MAP7D3: variants seen among roughly 807,000 people sequenced by gnomAD.
MAP7D3 encodes the protein MAP7 domain containing 3, also known as MAP7 domain-containing protein 3.
A neutral mutation model predicts 62.2 loss-of-function variants in MAP7D3; 45 were observed. The observed-to-expected ratio is 0.72, with a 90% CI of 0.57 to 0.93. MAP7D3 has a LOEUF of 0.93. Ranked by LOEUF, MAP7D3 falls within the 40% of genes least tolerant of loss-of-function variation. MAP7D3 has a pLI of 0.00. For synonymous variants in MAP7D3, 288 were observed against 248.8 expected, an observed-to-expected ratio of 1.16 and a Z score of -1.48; for missense variants, 711 against 683.1, an observed-to-expected ratio of 1.04 and a Z score of -0.45.
At chrX:136,251,517 A>C, upstream of MAP7D3, 1 of 843,106 alleles carries the variant, frequency 1.2e-6, no homozygotes, top group Non-Finnish European at 1.4e-6. Context: ...CGGACCTGCG[A>C]ACCGGGCAGG....
At chrX:136,236,004 T>C (rs1018880950) in intron 7 of MAP7D3, among the ~76,000 whole-genome samples, 11 of 112,324 alleles carry the variant, frequency 9.8e-5, no homozygotes, top group Non-Finnish European at 2.1e-4. Context: ...TATTCTGTGA[T>C]TTATTTCCCC....
chrX:136,235,044 AC>A (rs886064396), intron 7 of MAP7D3, among the ~76,000 whole-genome samples: 1 of 111,944 alleles, frequency 8.9e-6, no homozygotes, highest in Admixed American at 9.5e-5. Flanking sequence ...CAGCATACAT[AC>A]CAAAATAACT....
chrX:136,235,522 G>C (rs942983919), intron 7 of MAP7D3, among the ~76,000 whole-genome samples: 2 of 111,992 alleles, frequency 1.8e-5, no homozygotes, highest in African/African-American at 6.5e-5. Flanking sequence ...GCTGAGACAG[G>C]CGGATCATCT....
At position 136,251,352 on chromosome X, in the gene MAP7D3, C is replaced by T. The variant is rs1314470878; in HGVS notation, c.7G>A (p.Ala3Thr). Reference protein sequence around the residue: MMADGAAAGAGGS... With the variant: MMTDGAAAGAGGS... Reference sequence around the variant, plus strand: ...CCAGCGCCAGCTGCGGCGCCGTCCGCCATCATCGGAGTCGGGACCGGAGGC... The same window carrying T: ...CCAGCGCCAGCTGCGGCGCCGTCCGTCATCATCGGAGTCGGGACCGGAGGC... Residue 3 changes from alanine (A) to threonine (T), a missense_variant, in exon 1 of 19, where the codon GCG (alanine) becomes ACG (threonine). Transcript: ENST00000316077. 3 of 1,122,588 alleles carry T rather than the reference C, an allele frequency of 2.7e-6. No individual in the cohort carries two copies. The highest frequency in any genetic ancestry group is 2.8e-5 in the Admixed American group (1 of 35,588). The allele number at this position is 1,122,588 out of a possible 1,213,427, so 92.5% of individuals were successfully genotyped here. A position where few individuals can be genotyped will look rare whatever the true frequency, so the allele number is the denominator to read the frequency against.
intron 11 of MAP7D3, 123 bp from the exon 12 acceptor site, chrX:136,227,554 CACT>C: frequency 6.8e-6 from 3 of 444,144 alleles, no homozygotes; most frequent in Non-Finnish European, 7.4e-6. Context: ...ACACCAGAGT[CACT>C]ACATCTTCTG....
At chrX:136,254,452 T>A (rs1416144472), upstream of MAP7D3, among the ~76,000 whole-genome samples, 2 of 111,143 alleles carry the variant, frequency 1.8e-5, no homozygotes, top group African/African-American at 6.6e-5. Flanking sequence ...AAAAATAAAA[T>A]TTGATTGGGA....
intron 7 of MAP7D3, among the ~76,000 whole-genome samples, chrX:136,233,031 T>C (rs929080127): frequency 2.7e-5 from 3 of 111,435 alleles, no homozygotes; most frequent in African/African-American, 9.8e-5. Flanking sequence ...TACTGCACTG[T>C]TTATAATACT....
Position 136,226,010 on chromosome X carries a change from C to CT in MAP7D3, c.2037dup (p.Gly680ArgfsTer12). 1 of 1,173,412 alleles carries CT rather than the reference C, an allele frequency of 8.5e-7. No homozygotes were observed. The highest frequency in any genetic ancestry group is 1.2e-6 in the Non-Finnish European group (1 of 866,748). ...TCTTGAGCTTTTATTTTGGCGTCCC[C>CT]TTTCTAGGAAATTTGCATAAAAATA... On this transcript the variant is annotated frameshift_variant, in exon 13 of 19. Transcript: ENST00000316077. LOFTEE classifies it high-confidence loss of function.
intron 11 of MAP7D3, among the ~76,000 whole-genome samples, chrX:136,228,367 A>G (rs1215731658): frequency 8.9e-6 from 1 of 111,916 alleles, no homozygotes; most frequent in African/African-American, 3.2e-5. Context: ...GTCTCTGTGC[A>G]TCCTCCTAGC....
intron 1 of MAP7D3, among the ~76,000 whole-genome samples, chrX:136,247,526 T>C (rs1199678245): frequency 9.1e-6 from 1 of 110,376 alleles, no homozygotes; most frequent in Non-Finnish European, 1.9e-5. Flanking sequence ...TAATTGCTAC[T>C]GAGGGAGTTA....
rs1435383856 is a variant in MAP7D3, at chrX:136,230,948, G to A, written c.1432C>T (p.Gln478Ter). ...TTCTTGGCAATAGGGATTAAGGCCT[G>A]TTTGTCCATTTCTGATTTCTGAACA... ...DAPKKSEMDK[Q>*]ALIPIAKKRL... Residue 478 changes from glutamine (Q) to a stop codon, truncating the protein, a stop_gained, in exon 9 of 19, where the codon CAG becomes TAG. Transcript: ENST00000316077. LOFTEE classifies it high-confidence loss of function. 1.7e-6 allele frequency: 2 copies of A among 1,196,709 alleles called. No individual in the cohort carries two copies.
chrX:136,246,353 G>A lies in MAP7D3; in HGVS notation c.71-12C>T, dbSNP rs1313366100. 3.7e-6 allele frequency: 4 copies of A among 1,076,536 alleles called. No homozygotes were observed. The highest frequency in any genetic ancestry group is 1.9e-5 in the South Asian group (1 of 52,193). The allele number at this position is 1,076,536 out of a possible 1,213,427, so 88.7% of individuals were successfully genotyped here. On this transcript the variant is annotated splice_polypyrimidine_tract_variant and intron_variant, in intron 1 of 18. Coordinates refer to ENST00000316077, the MANE Select transcript of MAP7D3 (RefSeq NM_024597.4). ...GTTTGCTGCAGCAACTAAAATACAGGGAGATAAAAGGATTAGATGTTAAGA... is the reference window on the plus strand; with the variant it reads ...GTTTGCTGCAGCAACTAAAATACAGAGAGATAAAAGGATTAGATGTTAAGA...
chrX:136,256,040 A>C (rs760653212), upstream of MAP7D3: 24 of 750,002 alleles, frequency 3.2e-5, no homozygotes, highest in Non-Finnish European at 3.3e-5. Context: ...TATGAGTTTT[A>C]AGCTTACCAG....
At position 136,231,537 on chromosome X, in the gene MAP7D3, G is replaced by A; in HGVS notation, c.1413+7C>T. The A allele has an allele frequency of 8.4e-7, 1 of 1,187,330 alleles. No individual in the cohort carries two copies. Among genetic ancestry groups the A allele is most frequent in the Non-Finnish European group, 1.1e-6 (1 of 884,265 alleles). ...GAAAATTTGTCAATAACAGGCACTT[G>A]ACAAACCTTTGGAGCGTCTCTCGCT... is the stretch of plus-strand genomic sequence containing the variant. On this transcript the variant is annotated splice_region_variant and intron_variant, in intron 8 of 18. Coordinates refer to ENST00000316077, the MANE Select transcript of MAP7D3 (RefSeq NM_024597.4).
chrX:136,246,015 AAT>A lies in MAP7D3; in HGVS notation c.253+48_253+49del, dbSNP rs755919523. The A allele has an allele frequency of 5.2e-5, 45 of 873,338 alleles. No homozygotes were observed. The South Asian group carries it at 1.1e-3, about 20-fold the overall frequency. 72.0% of individuals were successfully genotyped at this position (873,338 alleles called of 1,213,427 possible). ...GAGGAATAAGTTAAAAACACTTTGC[AAT>A]ATATAACACAATTCATTTTGATTTT... On this transcript the variant is annotated intron_variant, in intron 3 of 18. Transcript: ENST00000316077.
intron 11 of MAP7D3, 36 bp downstream of exon 11, chrX:136,228,587 A>C: frequency 8.7e-7 from 1 of 1,148,896 alleles, no homozygotes; most frequent in Non-Finnish European, 1.2e-6. Context: ...GCCCCACTCA[A>C]GATTTATAGT....
chrX:136,225,468 G>A (rs181864369), intron 13 of MAP7D3, among the ~76,000 whole-genome samples: 4 of 111,824 alleles, frequency 3.6e-5, no homozygotes, highest in Non-Finnish European at 7.5e-5. Context: ...CTGGACCAGG[G>A]CTGCAGATGA....
chrX:136,251,427 T>C, upstream of MAP7D3: 1 of 784,822 alleles, frequency 1.3e-6, no homozygotes, highest in South Asian at 4.0e-5. Context: ...GGCCTCCGCT[T>C]GGGTCGTGGC....
chrX:136,229,090 T>A, intron 10 of MAP7D3: 1 of 125,621 alleles, frequency 8.0e-6, no homozygotes. Context: ...AAGACAAGCT[T>A]ATGCTCGGTC....
Sources: gnomAD v4.1 joint callset for allele counts (sites outside exome capture counted in the v4.1 genomes callset) on GRCh38, gnomAD v4.1.1 for gene constraint, MANE v1.5 for transcripts, NCBI Gene and HGNC (gene_info 2026-07-23, HGNC 2026-07-21) for gene names.